MNAT1: variants seen among roughly 807,000 people sequenced by gnomAD.
MNAT1 encodes MNAT1 component of CDK activating kinase.
Under a neutral mutation model 42.0 loss-of-function variants are expected in MNAT1, and 43 were observed. That is an observed-to-expected ratio of 1.02 (90% confidence interval 0.80 to 1.32). The LOEUF is 1.32. Ranked by LOEUF, MNAT1 falls within the 40% of genes most tolerant of loss-of-function variation. MNAT1 has a pLI of 0.00. For missense variants in MNAT1, 306 were observed against 350.4 expected (o/e 0.87, Z 1.01); for synonymous variants, 118 against 120.0 (o/e 0.98, Z 0.11).
chr14:60,812,452 T>C (rs191047953), intron 5 of MNAT1, among the ~76,000 whole-genome samples: 5 of 152,306 alleles, frequency 3.3e-5, no homozygotes, highest in Admixed American at 3.3e-4. Flanking sequence ...GCCAAATGCC[T>C]AGGCAGATAG....
intron 6 of MNAT1, among the ~76,000 whole-genome samples, chr14:60,861,611 A>G (rs1050054808): frequency 6.6e-6 from 1 of 152,222 alleles, no homozygotes; most frequent in African/African-American, 2.4e-5. Context: ...TTGTCTGTAC[A>G]CTTGCTATTA....
At chr14:60,879,476 C>T (rs139306486) in intron 6 of MNAT1, among the ~76,000 whole-genome samples, 141 of 152,170 alleles carry the variant, frequency 9.3e-4, no homozygotes, top group African/African-American at 2.8e-3. Context: ...TACTGTTTAA[C>T]GCTAAATCTG....
At chr14:60,905,947 C>G (rs1316140199) in intron 7 of MNAT1, among the ~76,000 whole-genome samples, 2 of 152,088 alleles carry the variant, frequency 1.3e-5, no homozygotes, top group African/African-American at 4.8e-5. Flanking sequence ...CAAGTTGACA[C>G]ATAAAATTCC....
At chr14:60,912,972 G>A (rs1046488375) in intron 7 of MNAT1, among the ~76,000 whole-genome samples, 13 of 152,146 alleles carry the variant, frequency 8.5e-5, no homozygotes, top group African/African-American at 2.9e-4. Flanking sequence ...CCAATTAGAT[G>A]TACATTTGGT....
At chr14:60,777,356 G>A (rs1013809405) in intron 1 of MNAT1, among the ~76,000 whole-genome samples, 15 of 152,044 alleles carry the variant, frequency 9.9e-5, no homozygotes, top group African/African-American at 3.4e-4. Flanking sequence ...AGGCTGAGTT[G>A]GGAGGATCGC....
At chr14:60,912,042 T>C (rs2035382968) in intron 7 of MNAT1, among the ~76,000 whole-genome samples, 1 of 151,832 alleles carries the variant, frequency 6.6e-6, no homozygotes, top group Non-Finnish European at 1.5e-5. Context: ...TAGTTAGCTC[T>C]TCTTGTTGAA....
At chr14:60,934,738 A>G (rs1045359762) in intron 7 of MNAT1, among the ~76,000 whole-genome samples, 3 of 152,220 alleles carry the variant, frequency 2.0e-5, no homozygotes, top group Non-Finnish European at 2.9e-5. Context: ...ATGGACTAAT[A>G]CAGACCATAT....
At chr14:60,940,115 C>G (rs2036109053) in intron 7 of MNAT1, among the ~76,000 whole-genome samples, 1 of 152,108 alleles carries the variant, frequency 6.6e-6, no homozygotes, top group Admixed American at 6.5e-5. Context: ...TTATTTTGAG[C>G]TTATGTGTGT....
At chr14:60,851,729 G>A (rs920560695) in intron 6 of MNAT1, among the ~76,000 whole-genome samples, 2 of 152,076 alleles carry the variant, frequency 1.3e-5, no homozygotes, top group African/African-American at 4.8e-5. Context: ...AGGCCCTGGT[G>A]TGTGATGTTC....
intron 7 of MNAT1, among the ~76,000 whole-genome samples, chr14:60,888,562 A>G (rs2034744794): frequency 6.6e-6 from 1 of 151,206 alleles, no homozygotes; most frequent in Admixed American, 6.6e-5. Context: ...CTCTCTCACC[A>G]CTCCTATTCA....
chr14:60,927,450 A>G (rs986629062), intron 7 of MNAT1, among the ~76,000 whole-genome samples: 1 of 152,176 alleles, frequency 6.6e-6, no homozygotes, highest in Non-Finnish European at 1.5e-5. Flanking sequence ...TACAACCATC[A>G]CTACAATCAG....
chr14:60,751,370 T>A (rs1177437235), intron 1 of MNAT1, among the ~76,000 whole-genome samples: 1 of 152,110 alleles, frequency 6.6e-6, no homozygotes, highest in Non-Finnish European at 1.5e-5. Flanking sequence ...CAATTTTCTC[T>A]TTATATTTTA....
chr14:60,810,105 C>G (rs1439727700), intron 4 of MNAT1, among the ~76,000 whole-genome samples: 1 of 151,936 alleles, frequency 6.6e-6, no homozygotes, highest in Non-Finnish European at 1.5e-5. Flanking sequence ...TCCATTTCTT[C>G]TAGATTAACT....
chr14:60,740,027 G>A lies in MNAT1; in HGVS notation c.89+5076G>A, dbSNP rs914145003. 6.6e-6 allele frequency among the ~76,000 whole-genome samples: 1 copy of A among 152,132 alleles called. No homozygotes were observed. The highest frequency in any genetic ancestry group is 2.1e-4 in the South Asian group (1 of 4,826). ...TAATTAGCTGGGTGTGGTGGCATGG[G>A]CATGTAATCCCAGGTACTTGGGGAG... is the stretch of plus-strand genomic sequence containing the variant. On this transcript the variant is annotated intron_variant, in intron 1 of 7. Transcript: ENST00000261245. The surrounding 1 kb of genome is among the most constrained non-coding windows in gnomAD (Gnocchi z 4.1).
chr14:60,839,129 A>G (rs2033476500), intron 6 of MNAT1, among the ~76,000 whole-genome samples: 1 of 152,182 alleles, frequency 6.6e-6, no homozygotes. Context: ...CATTCAAGCC[A>G]GGAACAGTCT....
chr14:60,918,444 G>T (rs1042648968), intron 7 of MNAT1, among the ~76,000 whole-genome samples: 2 of 150,958 alleles, frequency 1.3e-5, no homozygotes, highest in Non-Finnish European at 2.9e-5. Context: ...TCCTGACCTC[G>T]TGATCCACCC....
chr14:60,777,846 G>C (rs1242555371), intron 1 of MNAT1, among the ~76,000 whole-genome samples: 1 of 152,136 alleles, frequency 6.6e-6, no homozygotes, highest in East Asian at 1.9e-4. Context: ...CTAGTGGAAA[G>C]ATTAGGATGA....
chr14:60,925,185 A>T (rs1029505051), intron 7 of MNAT1, among the ~76,000 whole-genome samples: 1 of 152,226 alleles, frequency 6.6e-6, no homozygotes, highest in African/African-American at 2.4e-5. Flanking sequence ...CATAGCATTT[A>T]TAATACGTTG....
chr14:60,793,234 G>T (rs561047530), intron 1 of MNAT1, among the ~76,000 whole-genome samples: 89 of 151,886 alleles, frequency 5.9e-4, no homozygotes, highest in African/African-American at 2.1e-3. Context: ...TAGGAATGAG[G>T]TTTTGCCATG....
Sources: allele counts gnomAD v4.1 joint callset (sites outside exome capture counted in the v4.1 genomes callset), GRCh38; gene constraint gnomAD v4.1.1; non-coding constraint Gnocchi (gnomAD v3.1); transcripts MANE v1.5; gene names NCBI Gene and HGNC (gene_info 2026-07-23, HGNC 2026-07-21).